UBXN2B: variants seen among roughly 807,000 people sequenced by gnomAD.
UBXN2B encodes the protein UBX domain protein 2B, also known as UBX domain-containing protein 2B.
In UBXN2B, 19 loss-of-function variants were observed where a neutral mutation model predicts 37.5. That is an observed-to-expected ratio of 0.51 (90% CI 0.35 to 0.74). UBXN2B has a LOEUF of 0.74. UBXN2B is among the 30% of genes least tolerant of loss of function. The pLI is 0.01. For synonymous variants in UBXN2B, 145 were observed against 143.8 expected (o/e 1.01, Z -0.06); for missense variants, 370 against 393.2 (o/e 0.94, Z 0.50).
chr8:58,443,625 T>G (rs1272273349), intron 6 of UBXN2B, among the ~76,000 whole-genome samples: 3 of 142,474 alleles, frequency 2.1e-5, no homozygotes, highest in Non-Finnish European at 4.5e-5. Flanking sequence ...AAACCCCATC[T>G]CTACTAAAAA....
chr8:58,446,098 T>G, intron 7 of UBXN2B, 30 bp downstream of exon 7: 8 of 1,584,634 alleles, frequency 5.0e-6, no homozygotes, highest in Non-Finnish European at 6.8e-6. Context: ...GTGTCCTGTT[T>G]GCTGTTATAT....
intron 5 of UBXN2B, among the ~76,000 whole-genome samples, chr8:58,439,336 G>T (rs1294930281): frequency 6.6e-6 from 1 of 152,104 alleles, no homozygotes; most frequent in Non-Finnish European, 1.5e-5. Flanking sequence ...GAATTTTCTA[G>T]TGCTGATTTA....
At chr8:58,445,606 G>T (rs1485589125) in intron 6 of UBXN2B, among the ~76,000 whole-genome samples, 1 of 152,104 alleles carries the variant, frequency 6.6e-6, no homozygotes, top group Non-Finnish European at 1.5e-5. Context: ...ATGTCTGTCT[G>T]TGCTCTTAAT....
At chr8:58,417,616 T>C (rs1432772255) in intron 2 of UBXN2B, among the ~76,000 whole-genome samples, 1 of 152,236 alleles carries the variant, frequency 6.6e-6, no homozygotes, top group African/African-American at 2.4e-5. Context: ...AATATTTTCA[T>C]TAACATCTTT....
At position 58,439,797 on chromosome 8, in the gene UBXN2B, C is replaced by T. The variant is rs756814104; in HGVS notation, c.671+27C>T. On this transcript the variant is annotated intron_variant, in intron 6 of 7. Coordinates refer to ENST00000399598, the MANE Select transcript of UBXN2B (RefSeq NM_001077619.2). ...TAAAAATCCTAAAATGAGAAAAATA[C>T]CTTTGTTGAACATGAATTTTTCTTT... 11 of 1,568,580 alleles carry T rather than the reference C, an allele frequency of 7.0e-6. No homozygotes were observed. In the Admixed American group the frequency reaches 2.3e-4, roughly 33 times the overall value.
At chr8:58,435,655 G>C (rs1024871240) in intron 5 of UBXN2B, among the ~76,000 whole-genome samples, 1 of 152,140 alleles carries the variant, frequency 6.6e-6, no homozygotes, top group Admixed American at 6.5e-5. Flanking sequence ...TATTGAGAAT[G>C]AATGTTCTGT....
chr8:58,439,444 G>A (rs1284738226), intron 5 of UBXN2B, among the ~76,000 whole-genome samples, 189 bp from the exon 6 acceptor site: 1 of 152,118 alleles, frequency 6.6e-6, no homozygotes, highest in African/African-American at 2.4e-5. Context: ...GAACCAGTAA[G>A]GAGTAATGTG....
chr8:58,425,136 C>T (rs375104842), intron 2 of UBXN2B: 1 of 827,236 alleles, frequency 1.2e-6, no homozygotes, highest in African/African-American at 1.7e-5. Flanking sequence ...AGACCATTCT[C>T]TCCATATTCC....
intron 6 of UBXN2B, among the ~76,000 whole-genome samples, chr8:58,442,937 A>C (rs981818503): frequency 2.0e-5 from 3 of 152,192 alleles, no homozygotes; most frequent in African/African-American, 7.2e-5. Context: ...CTGGGGCCCT[A>C]GACCCTGAGG....
intron 2 of UBXN2B, among the ~76,000 whole-genome samples, chr8:58,421,362 T>A (rs1158931600): frequency 1.3e-5 from 2 of 151,936 alleles, no homozygotes; most frequent in East Asian, 3.9e-4. Context: ...TTTTTAAAGC[T>A]ATTAAGACTG....
At chr8:58,417,338 G>A (rs746447162) in intron 2 of UBXN2B, among the ~76,000 whole-genome samples, 1 of 152,092 alleles carries the variant, frequency 6.6e-6, no homozygotes, top group Non-Finnish European at 1.5e-5. Flanking sequence ...CAACTTTCAT[G>A]TGCAAGTTTG....
chr8:58,444,209 T>C (rs754998249), intron 6 of UBXN2B, among the ~76,000 whole-genome samples: 3 of 152,208 alleles, frequency 2.0e-5, no homozygotes, highest in Non-Finnish European at 2.9e-5. Context: ...CTCTCTCACT[T>C]ACCAATAGGA....
chr8:58,434,787 G>A (rs1003115059), intron 5 of UBXN2B: 17 of 1,526,696 alleles, frequency 1.1e-5, no homozygotes, highest in African/African-American at 1.4e-5. Context: ...ACATCTTAAT[G>A]TGATAATCAG....
intron 2 of UBXN2B, among the ~76,000 whole-genome samples, chr8:58,422,470 A>T (rs1434034794): frequency 6.6e-6 from 1 of 152,264 alleles, no homozygotes; most frequent in Non-Finnish European, 1.5e-5. Context: ...TGATATTTTC[A>T]TTGAAATATC....
intron 7 of UBXN2B, among the ~76,000 whole-genome samples, chr8:58,446,779 ATTTTTTTTTTTTTTTTTTT>A (rs869090698): frequency 1.8e-3 from 32 of 17,402 alleles, no homozygotes; most frequent in Non-Finnish European, 2.1e-3. Context: ...TACAACCTGC[ATTTTTTTTTTTTTTTTTTT>A]TTTTTTTTTT....
intron 1 of UBXN2B, among the ~76,000 whole-genome samples, chr8:58,414,254 C>T (rs1585590913): frequency 6.6e-6 from 1 of 152,154 alleles, no homozygotes; most frequent in East Asian, 1.9e-4. Flanking sequence ...GATTGCTGGG[C>T]CCTACCCCAG....
intron 2 of UBXN2B, chr8:58,424,516 C>A (rs780629487): frequency 9.4e-6 from 7 of 743,302 alleles, no homozygotes; most frequent in Non-Finnish European, 1.6e-5. Context: ...AACTTTCTTG[C>A]GAAAGTTTGA....
At chr8:58,435,880 T>C (rs1195112133) in intron 5 of UBXN2B, among the ~76,000 whole-genome samples, 1 of 152,212 alleles carries the variant, frequency 6.6e-6, no homozygotes, top group East Asian at 1.9e-4. Context: ...TAAGACCCAT[T>C]GTCTCCTTTT....
intron 2 of UBXN2B, among the ~76,000 whole-genome samples, chr8:58,422,462 A>T (rs1380351197): frequency 2.0e-5 from 3 of 152,238 alleles, no homozygotes; most frequent in African/African-American, 7.2e-5. Flanking sequence ...TCAATTAATG[A>T]TATTTTCATT....
Sources: allele counts gnomAD v4.1 joint callset (sites outside exome capture counted in the v4.1 genomes callset), GRCh38; gene constraint gnomAD v4.1.1; transcripts MANE v1.5; gene names NCBI Gene and HGNC (gene_info 2026-07-23, HGNC 2026-07-21).